BMPR1B: variants seen among roughly 807,000 people sequenced by gnomAD.
The protein encoded by BMPR1B is bone morphogenetic protein receptor type-1B.
In BMPR1B, 12 loss-of-function variants were observed where a neutral mutation model predicts 59.1. The ratio of observed to expected loss-of-function variants is 0.20; its 90% CI spans 0.13 to 0.33. The LOEUF is 0.33. Among genes scored for constraint, BMPR1B ranks in the 10% least tolerant of loss-of-function variants. The probability of loss-of-function intolerance (pLI) is 1.00; values close to 1 mark genes in which losing one functional copy is unlikely to be tolerated. For missense variants in BMPR1B, 550 were observed against 610.9 expected, an observed-to-expected ratio of 0.90 and a Z score of 1.05; for synonymous variants, 237 against 207.3, an observed-to-expected ratio of 1.14 and a Z score of -1.23.
chr4:94,931,787 C>T (rs1285938518), intron 2 of BMPR1B, among the ~76,000 whole-genome samples: 1 of 152,046 alleles, frequency 6.6e-6, no homozygotes, highest in Non-Finnish European at 1.5e-5. Context: ...AAATGCTGGG[C>T]AAGCAGAGTA....
At chr4:94,948,146 T>C (rs1404381805) in intron 2 of BMPR1B, among the ~76,000 whole-genome samples, 1 of 152,228 alleles carries the variant, frequency 6.6e-6, no homozygotes, top group East Asian at 1.9e-4. Flanking sequence ...CTTAGCTTCT[T>C]CCTGGTCATA....
At chr4:95,151,808 T>TC (rs1735061630) in intron 11 of BMPR1B, among the ~76,000 whole-genome samples, 1 of 152,146 alleles carries the variant, frequency 6.6e-6, no homozygotes, top group South Asian at 2.1e-4. Flanking sequence ...GGAGGGGTGC[T>TC]CCCAAAAGAT....
chr4:94,796,207 T>C (rs1478615606), intron 1 of BMPR1B, among the ~76,000 whole-genome samples: 1 of 152,096 alleles, frequency 6.6e-6, no homozygotes, highest in African/African-American at 2.4e-5. Flanking sequence ...TCAAGTGATC[T>C]GTCCGCCTCA....
chr4:95,140,406 G>A (rs543059605), intron 10 of BMPR1B, among the ~76,000 whole-genome samples: 1 of 152,220 alleles, frequency 6.6e-6, no homozygotes, highest in African/African-American at 2.4e-5. Flanking sequence ...CAATTTGTAT[G>A]CTTTCTTTTG....
chr4:95,135,987 T>C (rs1449270650), intron 10 of BMPR1B, among the ~76,000 whole-genome samples: 6 of 152,184 alleles, frequency 3.9e-5, no homozygotes, highest in Admixed American at 6.5e-5. Context: ...CAGTATGATA[T>C]TGGCCATGGG....
intron 8 of BMPR1B, among the ~76,000 whole-genome samples, chr4:95,128,341 A>G (rs1733054280): frequency 6.6e-6 from 1 of 152,250 alleles, no homozygotes; most frequent in Non-Finnish European, 1.5e-5. Flanking sequence ...GGTGTAAAGT[A>G]TATCTCTACA....
Position 94,869,088 on chromosome 4 carries a change from A to G in BMPR1B, c.-182-6743A>G, listed in dbSNP as rs559854119. On this transcript the variant is annotated intron_variant, in intron 1 of 12. Coordinates refer to ENST00000515059, the MANE Select transcript of BMPR1B (RefSeq NM_001203.3). ...CCATGATTTGTTTGAATTAAATTTTACTATCAAACACACACACACACACAC... is the reference window on the plus strand; with the variant it reads ...CCATGATTTGTTTGAATTAAATTTTGCTATCAAACACACACACACACACAC... 3.7e-3 allele frequency among the ~76,000 whole-genome samples: 477 copies of G among 128,760 alleles called. 10 individuals are homozygous for G. The South Asian group carries it at 0.052, about 14-fold the overall frequency. 84.5% of individuals were successfully genotyped at this position (128,760 alleles called of 152,430 possible).
intron 2 of BMPR1B, among the ~76,000 whole-genome samples, chr4:94,883,595 A>G (rs1727062155): frequency 6.6e-6 from 1 of 151,712 alleles, no homozygotes; most frequent in Non-Finnish European, 1.5e-5. Flanking sequence ...TGTATTTTAT[A>G]ATTCAATATA....
chr4:95,126,306 T>G (rs1041882557), intron 8 of BMPR1B, among the ~76,000 whole-genome samples: 2 of 152,196 alleles, frequency 1.3e-5, no homozygotes, highest in Non-Finnish European at 2.9e-5. Flanking sequence ...TTTAAAAAGC[T>G]TTCAGCTCCT....
At chr4:95,069,162 A>G (rs1188022308) in intron 3 of BMPR1B, among the ~76,000 whole-genome samples, 1 of 152,134 alleles carries the variant, frequency 6.6e-6, no homozygotes, top group African/African-American at 2.4e-5. Flanking sequence ...CTTGAATCTG[A>G]CCACTTCTCA....
At chr4:94,893,967 A>G (rs1727493247) in intron 2 of BMPR1B, among the ~76,000 whole-genome samples, 1 of 151,994 alleles carries the variant, frequency 6.6e-6, no homozygotes, top group African/African-American at 2.4e-5. Flanking sequence ...TGTCATGTTA[A>G]TGTAATTATT....
At chr4:95,128,095 A>G (rs1037214786) in intron 8 of BMPR1B, among the ~76,000 whole-genome samples, 3 of 152,074 alleles carry the variant, frequency 2.0e-5, no homozygotes, top group Non-Finnish European at 4.4e-5. Flanking sequence ...CATGTTGCCC[A>G]GGCTGGTCTT....
chr4:95,103,883 C>T (rs1278815639), intron 3 of BMPR1B, among the ~76,000 whole-genome samples: 2 of 151,894 alleles, frequency 1.3e-5, no homozygotes, highest in East Asian at 1.9e-4. Context: ...AAATATTTCT[C>T]ATAATTTCTT....
chr4:95,136,814 G>T (rs986137648), intron 10 of BMPR1B, among the ~76,000 whole-genome samples: 1 of 151,608 alleles, frequency 6.6e-6, no homozygotes, highest in African/African-American at 2.4e-5. Context: ...TTCTTTATTA[G>T]TCTTTCTAGC....
chr4:94,999,984 T>C (rs998113084), intron 3 of BMPR1B, among the ~76,000 whole-genome samples: 8 of 152,222 alleles, frequency 5.3e-5, no homozygotes, highest in Admixed American at 5.2e-4. Context: ...AGCTCTGATA[T>C]TCAATAAAAA....
At position 95,148,828 on chromosome 4, in the gene BMPR1B, G is replaced by C. The variant is rs1204148833; in HGVS notation, c.1157G>C (p.Ser386Thr). The C allele has an allele frequency of 6.2e-7, 1 of 1,613,934 alleles. No homozygotes were observed. Among genetic ancestry groups the C allele is most frequent in the African/African-American group, 1.3e-5 (1 of 74,918 alleles). The change falls in exon 11 of 13, where the codon AGC (serine) becomes ACC (threonine). Residue 386 changes from serine (S) to threonine (T), a missense_variant. This residue lies in a region of BMPR1B where 123 missense variants were observed against 164.6 expected (regional missense o/e 0.75). Transcript: ENST00000515059. ...RYMPPEVLDE[S>T]LNRNHFQSYI... is the part of the protein sequence containing the mutation. ...ATGCCTCCAGAAGTGTTGGACGAGA[G>C]CTTGAACAGAAATCACTTCCAGTCT...
intron 1 of BMPR1B, among the ~76,000 whole-genome samples, chr4:94,839,957 T>G (rs1216361240): frequency 6.6e-6 from 1 of 151,720 alleles, no homozygotes; most frequent in Admixed American, 6.6e-5. Flanking sequence ...GCAGGCCTGG[T>G]GGTGACAAAA....
intron 1 of BMPR1B, among the ~76,000 whole-genome samples, chr4:94,847,010 CAA>C (rs1725362566): frequency 6.6e-6 from 1 of 152,024 alleles, no homozygotes; most frequent in Non-Finnish European, 1.5e-5. Context: ...AGTGAAGAGA[CAA>C]ACCACAGAAT....
At chr4:94,761,415 C>CTG (rs57447983) in intron 1 of BMPR1B, among the ~76,000 whole-genome samples, 9,184 of 141,122 alleles carry the variant, frequency 0.065, 331 homozygotes, top group Non-Finnish European at 0.073. Flanking sequence ...CTGTATAATT[C>CTG]TGTGTGTGTG....
Sources: allele counts gnomAD v4.1 joint callset (sites outside exome capture counted in the v4.1 genomes callset), GRCh38; gene constraint gnomAD v4.1.1; regional missense constraint gnomAD v4.1.1; transcripts MANE v1.5; gene names NCBI Gene and HGNC (gene_info 2026-07-23, HGNC 2026-07-21).